The following NSUN2 variants were observed in gnomAD, a reference collection of about 807,000 sequenced individuals.
NSUN2 encodes NOP2/Sun RNA methyltransferase 2.
A neutral mutation model predicts 92.7 loss-of-function variants in NSUN2; 63 were observed. The ratio of observed to expected loss-of-function variants is 0.68; its 90% CI spans 0.56 to 0.84. The LOEUF is 0.84. Among genes scored for constraint, NSUN2 ranks in the 40% least tolerant of loss-of-function variants. The pLI, the probability that NSUN2 is intolerant of heterozygous loss-of-function variation, is 0.00. For missense variants in NSUN2, 989 were observed against 964.9 expected (o/e 1.02, Z -0.33); for synonymous variants, 356 against 348.3 (o/e 1.02, Z -0.25).
At chr5:6,631,355 G>A (rs1737884041) in intron 3 of NSUN2, among the ~76,000 whole-genome samples, 1 of 152,188 alleles carries the variant, frequency 6.6e-6, no homozygotes, top group Non-Finnish European at 1.5e-5. Context: ...TCAAGAAAGA[G>A]GTAGCTCCCA....
chr5:6,611,448 T>TAAA lies in NSUN2; in HGVS notation c.1095+274_1095+276dup, dbSNP rs760872450. 6.9e-4 allele frequency among the ~76,000 whole-genome samples: 59 copies of TAAA among 86,084 alleles called. 1 individual carries two copies. Among genetic ancestry groups the TAAA allele is most frequent in the African/African-American group, 2.1e-3 (47 of 22,468 alleles). 56.5% of individuals were successfully genotyped at this position (86,084 alleles called of 152,430 possible). ...ACAAGGCTTGAATCCCGGCCCAATT[T>TAAA]AAAAAAAAAAAAAAAAAGCAAAGCT... On this transcript the variant is annotated intron_variant, in intron 10 of 18. Transcript: ENST00000264670.
chr5:6,604,943 G>A (rs1736701486), intron 15 of NSUN2: 1 of 598,798 alleles, frequency 1.7e-6, no homozygotes, highest in Non-Finnish European at 2.9e-6. Context: ...CAAATCCCAA[G>A]GGTCGGGGCA....
intron 7 of NSUN2, 138 bp downstream of exon 7, chr5:6,619,968 G>T: frequency 1.6e-6 from 1 of 624,074 alleles, no homozygotes; most frequent in Non-Finnish European, 2.6e-6. Flanking sequence ...CCATCTTTTG[G>T]TTTAGGCTCA....
chr5:6,603,919 C>T, intron 17 of NSUN2: 1 of 485,770 alleles, frequency 2.1e-6, no homozygotes, highest in South Asian at 2.4e-5. Context: ...AGCAGGGCAC[C>T]ACCAGAGCCT....
rs972906795 is a variant in NSUN2, at chr5:6,626,299, A to G, written c.360-630T>C. ...ATCTGTGAATATATTTGAACTTTCT[A>G]TAAATGATGACATCAATGTTATTTT... On this transcript the variant is annotated intron_variant, in intron 3 of 18. Coordinates refer to ENST00000264670, the MANE Select transcript of NSUN2 (RefSeq NM_017755.6). Among the ~76,000 whole-genome samples, 14 of 152,228 alleles carry G rather than the reference A, an allele frequency of 9.2e-5. No homozygotes were observed. In the East Asian group the frequency reaches 1.5e-3, roughly 17 times the overall value.
chr5:6,608,425 G>A (rs1736867683), intron 12 of NSUN2, among the ~76,000 whole-genome samples: 2 of 152,158 alleles, frequency 1.3e-5, no homozygotes, highest in African/African-American at 4.8e-5. Flanking sequence ...AACAGAACAC[G>A]GCATCCTGAC....
chr5:6,606,574 C>T lies in NSUN2; in HGVS notation c.1601+246G>A, dbSNP rs7701613. ...TGCTGGGATTACAGCCGTGAGCCAC[C>T]GCGCCCGGTCCAGTTTTTTTTTATC... On this transcript the variant is annotated intron_variant, in intron 14 of 18. Transcript: ENST00000264670. 0.08 allele frequency among the ~76,000 whole-genome samples: 12,106 copies of T among 152,020 alleles called. 1,230 individuals carry two copies. The highest frequency in any genetic ancestry group is 0.23 in the African/African-American group (9,679 of 41,406).
In NSUN2 at chr5:6,600,040, A is replaced by G. The variant is rs1332949171; in HGVS notation, c.2190T>C (p.Asn730=). 3 of 1,614,160 alleles carry G rather than the reference A, an allele frequency of 1.9e-6. No homozygotes were observed. The highest frequency in any genetic ancestry group is 3.3e-5 in the Admixed American group (2 of 60,034). ...CTGCTCTCTGTCCCTCAGTCACGTC[A>G]TTGTCTGGCTGTCCGGTGCTGGCTG... ...ESAASTGQPD[N]DVTEGQRAGE... The change falls in exon 19 of 19, where the codon AAT becomes AAC. Residue 730 remains asparagine (N), a synonymous_variant. Transcript: ENST00000264670.
At chr5:6,608,670 A>G (rs189836805) in intron 12 of NSUN2, among the ~76,000 whole-genome samples, 18 of 152,384 alleles carry the variant, frequency 1.2e-4, no homozygotes, top group Middle Eastern at 3.4e-3. Context: ...CGTCAGAAAC[A>G]TCAATGTAAG....
At chr5:6,600,354 A>T in intron 18 of NSUN2, 122 bp from the exon 19 acceptor site, 1 of 854,496 alleles carries the variant, frequency 1.2e-6, no homozygotes, top group East Asian at 2.7e-5. Context: ...AAAACCCCCA[A>T]AACTACTGGG....
chr5:6,632,093 G>C (rs1338018650), intron 2 of NSUN2, 116 bp from the exon 3 acceptor site: 2 of 764,516 alleles, frequency 2.6e-6, no homozygotes, highest in Admixed American at 2.4e-5. Context: ...TGCATGGAGA[G>C]TAAACATTCT....
chr5:6,604,760 T>A lies in NSUN2; in HGVS notation c.1738-75A>T. 4 of 1,223,890 alleles carry A rather than the reference T, an allele frequency of 3.3e-6. No individual in the cohort carries two copies. In the South Asian group the frequency reaches 4.9e-5, roughly 15 times the overall value. 75.8% of individuals were successfully genotyped at this position (1,223,890 alleles called of 1,614,324 possible). A position where few individuals can be genotyped will look rare whatever the true frequency, so the allele number is the denominator to read the frequency against. On this transcript the variant is annotated intron_variant, in intron 15 of 18. Transcript: ENST00000264670. ...TCTCCTGTAAGGATGCCGGGCCACA[T>A]GGAGCAACCGTCACGGAATGGGAAA... is the stretch of plus-strand genomic sequence containing the variant.
chr5:6,620,388 G>A, intron 6 of NSUN2, 90 bp from the exon 7 acceptor site: 2 of 1,007,466 alleles, frequency 2.0e-6, no homozygotes, highest in Non-Finnish European at 2.8e-6. Flanking sequence ...CAGCCAGTGA[G>A]AAGCAGCAAT....
intron 2 of NSUN2, 32 bp from the exon 3 acceptor site, chr5:6,632,009 C>A (rs1207187117): frequency 1.3e-6 from 2 of 1,503,318 alleles, no homozygotes; most frequent in South Asian, 1.2e-5. Context: ...TCAAACTGAT[C>A]TAAAAAACTA....
At chr5:6,603,154 G>A (rs958031078) in intron 17 of NSUN2, among the ~76,000 whole-genome samples, 2 of 152,166 alleles carry the variant, frequency 1.3e-5, no homozygotes, top group Non-Finnish European at 2.9e-5. Context: ...AAATAAACAA[G>A]AATGAAGACA....
In NSUN2 at chr5:6,600,135, G is replaced by A. The variant is rs190753127; in HGVS notation, c.2095C>T (p.Leu699Phe). The A allele has an allele frequency of 3.7e-6, 6 of 1,614,056 alleles. No individual in the cohort carries two copies. The African/African-American group carries it at 5.3e-5, about 14-fold the overall frequency. Residue 699 changes from leucine to phenylalanine, a missense_variant, in exon 19 of 19, where the codon CTC becomes TTC. Physicochemically the swap from Leu to Phe is conservative, Grantham distance 22 (BLOSUM62 0). Around this residue, in one of 3 missense-constraint regions of NSUN2, gnomAD observed 626 missense variants for 602.3 expected, o/e 1.04. Coordinates refer to ENST00000264670, the MANE Select transcript of NSUN2 (RefSeq NM_017755.6). ...FVPKNERLHY[L>F]RMMGLEVLGE... ...AATACCTCCAGCCCCATCATCCTGAGATAATGAAGCCGTTCATTCTTGGGC... is the reference window on the plus strand; with the variant it reads ...AATACCTCCAGCCCCATCATCCTGAAATAATGAAGCCGTTCATTCTTGGGC...
rs1352183514 is a variant in NSUN2, at chr5:6,600,216, G to A, written c.2014C>T (p.Gln672Ter). The stretch of plus-strand genomic sequence containing the variant: ...CATCCGCATAAGACGATGGGACACT[G>A]CAGAGCGTCTGGATTCCTACAAGTG... ...EPDSANPDAL[Q>*]CPIVLCGWRG... is the part of the protein sequence containing the mutation. Residue 672 changes from glutamine to a stop codon, truncating the protein, a stop_gained, in exon 19 of 19, where the codon CAG becomes TAG. Coordinates refer to ENST00000264670, the MANE Select transcript of NSUN2 (RefSeq NM_017755.6). LOFTEE classifies it low-confidence loss of function (END_TRUNC). 6.2e-7 allele frequency: 1 copy of A among 1,613,576 alleles called. No individual in the cohort carries two copies. The highest frequency in any genetic ancestry group is 8.5e-7 in the Non-Finnish European group (1 of 1,179,554).
intron 3 of NSUN2, among the ~76,000 whole-genome samples, chr5:6,625,919 T>C (rs1187899509): frequency 2.0e-5 from 3 of 152,112 alleles, no homozygotes; most frequent in African/African-American, 4.8e-5. Context: ...TTATGCATAT[T>C]ACTGTAAAAT....
chr5:6,601,680 C>T (rs536034204), intron 18 of NSUN2, among the ~76,000 whole-genome samples: 7 of 152,278 alleles, frequency 4.6e-5, no homozygotes, highest in African/African-American at 1.7e-4. Flanking sequence ...TTTGGTGGTT[C>T]CTTCAAGTTA....
Sources: gnomAD v4.1 joint callset for allele counts (sites outside exome capture counted in the v4.1 genomes callset) on GRCh38, gnomAD v4.1.1 for gene constraint, gnomAD v4.1.1 regional missense constraint, MANE v1.5 for transcripts, NCBI Gene and HGNC (gene_info 2026-07-23, HGNC 2026-07-21) for gene names.